LINGO2: variants seen among roughly 807,000 people sequenced by gnomAD.
LINGO2 encodes leucine-rich repeat and immunoglobulin-like domain-containing nogo receptor-interacting protein 2.
Under a neutral mutation model 30.6 loss-of-function variants are expected in LINGO2, and 14 were observed. The ratio of observed to expected loss-of-function variants is 0.46; its 90% CI spans 0.30 to 0.72. The LOEUF (loss-of-function observed/expected upper bound fraction) is 0.72. Among genes scored for constraint, LINGO2 ranks in the 30% least tolerant of loss-of-function variants. LINGO2 has a pLI of 0.07. For missense variants in LINGO2, 729 were observed against 751.7 expected (o/e 0.97, Z 0.35); for synonymous variants, 317 against 288.5 (o/e 1.10, Z -1.00).
chr9:29,207,033 A>G, the LINGO2 span, among the ~76,000 whole-genome samples: 4 of 151,712 alleles, frequency 2.6e-5, no homozygotes, highest in African/African-American at 7.2e-5. Flanking sequence ...GTGTGTGTGT[A>G]TGTGTACATA....
intron 4 of LINGO2, among the ~76,000 whole-genome samples, chr9:28,083,665 C>A (rs143032871): frequency 6.6e-6 from 1 of 152,192 alleles, no homozygotes; most frequent in East Asian, 1.9e-4. Context: ...GAGTAAGTAG[C>A]TAATCAAATT....
At chr9:28,548,204 G>C (rs1469510653) in intron 1 of LINGO2, among the ~76,000 whole-genome samples, 1 of 152,008 alleles carries the variant, frequency 6.6e-6, no homozygotes, top group Non-Finnish European at 1.5e-5. Flanking sequence ...TTAAAGTTAG[G>C]TGTCCATTCT....
chr9:29,025,900 T>C, the LINGO2 span, among the ~76,000 whole-genome samples: 14 of 152,186 alleles, frequency 9.2e-5, no homozygotes, highest in African/African-American at 2.9e-4. Context: ...TATTTATTTT[T>C]CTGTGCCTGG....
intron 3 of LINGO2, among the ~76,000 whole-genome samples, chr9:28,299,991 T>C (rs895708925): frequency 6.6e-6 from 1 of 152,072 alleles, no homozygotes; most frequent in African/African-American, 2.4e-5. Flanking sequence ...GTAAATGGTG[T>C]TTCTGGTAGG....
At chr9:28,094,491 G>A (rs759159335) in intron 4 of LINGO2, among the ~76,000 whole-genome samples, 6 of 151,328 alleles carry the variant, frequency 4.0e-5, no homozygotes, top group African/African-American at 9.7e-5. Context: ...GCATGATGAA[G>A]CAATAGAGAG....
chr9:28,014,361 TC>T (rs1822715132), intron 4 of LINGO2, among the ~76,000 whole-genome samples: 1 of 152,170 alleles, frequency 6.6e-6, no homozygotes, highest in Non-Finnish European at 1.5e-5. Context: ...AATTCACTGA[TC>T]CATTAGGCCC....
At chr9:28,950,854 A>C in the LINGO2 span, among the ~76,000 whole-genome samples, 1 of 152,198 alleles carries the variant, frequency 6.6e-6, no homozygotes, top group African/African-American at 2.4e-5. Context: ...CACTATCCCC[A>C]TCAAGCTACG....
the LINGO2 span, among the ~76,000 whole-genome samples, chr9:28,864,121 G>C: frequency 1.3e-5 from 2 of 152,046 alleles, no homozygotes; most frequent in Admixed American, 1.3e-4. Flanking sequence ...GGGATAATTT[G>C]TTCTAAAGAT....
intron 3 of LINGO2, among the ~76,000 whole-genome samples, chr9:28,372,583 T>C (rs1307738036): frequency 2.1e-5 from 3 of 146,170 alleles, no homozygotes; most frequent in Non-Finnish European, 4.5e-5. Flanking sequence ...TTTTTCTTGT[T>C]AGTTCTATTG....
At chr9:28,912,566 T>G in the LINGO2 span, among the ~76,000 whole-genome samples, 1 of 152,054 alleles carries the variant, frequency 6.6e-6, no homozygotes, top group African/African-American at 2.4e-5. Flanking sequence ...AGTGGAAATC[T>G]ACATCCACTA....
At chr9:28,917,537 C>T in the LINGO2 span, among the ~76,000 whole-genome samples, 6 of 151,880 alleles carry the variant, frequency 4.0e-5, no homozygotes, top group Admixed American at 1.3e-4. Flanking sequence ...ACTGCAACCT[C>T]CACCTCCTGG....
Position 28,531,042 on chromosome 9 carries a change from A to AAAAT in LINGO2, c.-364-55021_-364-55018dup, listed in dbSNP as rs578085246. Among the ~76,000 whole-genome samples, 387 of 145,158 alleles carry AAAAT rather than the reference A, an allele frequency of 2.7e-3. 4 individuals are homozygous for AAAAT. The highest frequency in any genetic ancestry group is 9.7e-3 in the African/African-American group (369 of 38,172). On this transcript the variant is annotated intron_variant, in intron 1 of 5. Coordinates refer to ENST00000379992, the Ensembl canonical transcript of LINGO2. Reference sequence around the variant, plus strand: ...AATTAATATAAGTATGCCATATATAAAAATAAATATATATATATATATAAT... The same window carrying AAAAT: ...AATTAATATAAGTATGCCATATATAAAAATAAATAAATATATATATATATATAAT...
intron 2 of LINGO2, among the ~76,000 whole-genome samples, chr9:28,436,678 C>T (rs1226095504): frequency 3.9e-5 from 6 of 151,972 alleles, no homozygotes; most frequent in East Asian, 1.9e-4. Context: ...AGGATGGTCT[C>T]GATCTCCTGA....
intron 1 of LINGO2, among the ~76,000 whole-genome samples, chr9:28,546,263 C>A (rs895791567): frequency 6.6e-6 from 1 of 151,864 alleles, no homozygotes; most frequent in Non-Finnish European, 1.5e-5. Flanking sequence ...TCATAGCTGA[C>A]ACTACTATAG....
intron 1 of LINGO2, among the ~76,000 whole-genome samples, chr9:28,483,322 G>A (rs1369743274): frequency 6.6e-6 from 1 of 151,924 alleles, no homozygotes; most frequent in East Asian, 1.9e-4. Context: ...ATAGCTCTTG[G>A]ATCAAACTAA....
the LINGO2 span, among the ~76,000 whole-genome samples, chr9:29,194,380 T>C: frequency 6.6e-6 from 1 of 152,304 alleles, no homozygotes; most frequent in East Asian, 1.9e-4. Flanking sequence ...ACTCTCATTC[T>C]GGGGTCCTCT....
the LINGO2 span, among the ~76,000 whole-genome samples, chr9:28,968,841 C>A: frequency 2.0e-5 from 3 of 152,000 alleles, no homozygotes; most frequent in East Asian, 3.9e-4. Flanking sequence ...TGTGACATGG[C>A]AATCAGATCT....
At chr9:28,219,426 T>G (rs1404172300) in intron 4 of LINGO2, among the ~76,000 whole-genome samples, 1 of 152,178 alleles carries the variant, frequency 6.6e-6, no homozygotes, top group African/African-American at 2.4e-5. Context: ...TTTTTTAAGG[T>G]CTCATAAATA....
At chr9:28,188,438 A>G (rs1378134747) in intron 4 of LINGO2, among the ~76,000 whole-genome samples, 1 of 152,128 alleles carries the variant, frequency 6.6e-6, no homozygotes, top group African/African-American at 2.4e-5. Context: ...GCTAAAGTTG[A>G]ACCACCTGCA....
Sources: gnomAD v4.1 joint callset for allele counts (sites outside exome capture counted in the v4.1 genomes callset) on GRCh38, gnomAD v4.1.1 for gene constraint, MANE v1.5 for transcripts, NCBI Gene and HGNC (gene_info 2026-07-23, HGNC 2026-07-21) for gene names.